ADGRG1: variants seen among roughly 807,000 people sequenced by gnomAD.
ADGRG1 encodes the protein 7-transmembrane protein with no EGF-like N-terminal domains-1.
In ADGRG1, 53 loss-of-function variants were observed where a neutral mutation model predicts 73.5. The ratio of observed to expected loss-of-function variants is 0.72; its 90% CI spans 0.58 to 0.91. ADGRG1 has a LOEUF of 0.91. ADGRG1 is among the 40% of genes least tolerant of loss of function. ADGRG1 has a pLI of 0.00. For synonymous variants in ADGRG1, 394 were observed against 374.4 expected (o/e 1.05, Z -0.60); for missense variants, 795 against 871.8 (o/e 0.91, Z 1.11).
intron 1 of ADGRG1, chr16:57,641,178 G>A (rs1406660584): frequency 1.2e-6 from 1 of 808,614 alleles, no homozygotes; most frequent in African/African-American, 1.9e-5. Flanking sequence ...TGACAGAGGA[G>A]AAAATAAGGC....
upstream of ADGRG1, chr16:57,627,183 C>G: frequency 4.5e-6 from 3 of 664,338 alleles, no homozygotes; most frequent in South Asian, 6.6e-5. Flanking sequence ...GAGTGCAGTT[C>G]ACCTGCAGCA....
At chr16:57,656,361 G>A in intron 8 of ADGRG1, 90 bp downstream of exon 8, 1 of 1,611,376 alleles carries the variant, frequency 6.2e-7, no homozygotes, top group Non-Finnish European at 8.5e-7. Flanking sequence ...ATCACCGAGG[G>A]CTTCCTGGAG....
chr16:57,646,448 A>T (rs1166103957), intron 1 of ADGRG1: 3 of 985,188 alleles, frequency 3.0e-6, no homozygotes, highest in Non-Finnish European at 3.6e-6. Context: ...TGTGGCCCCC[A>T]TTGTGTCAGA....
intron 11 of ADGRG1, 149 bp from the exon 12 acceptor site, chr16:57,660,619 T>TG: frequency 6.6e-7 from 1 of 1,504,094 alleles, no homozygotes; most frequent in Non-Finnish European, 9.0e-7. Context: ...GGTCCAAACT[T>TG]GGGGGAACTT....
Position 57,651,400 on chromosome 16 carries a change from C to G in ADGRG1, c.265C>G (p.His89Asp), listed in dbSNP as rs587783658. ...RSFPDPRGLY[H>D]FCLYWNRHAG... ...CTTCCCTGACCCCAGGGGCCTCTAC[C>G]ACTTCTGCCTCTACTGGAACCGACA... The change falls in exon 3 of 14, where the codon CAC becomes GAC. Residue 89 changes from histidine (H) to aspartate (D), a missense_variant. Transcript: ENST00000562631. 2 of 1,614,078 alleles carry G rather than the reference C, an allele frequency of 1.2e-6. No individual in the cohort carries two copies. Among genetic ancestry groups the G allele is most frequent in the Non-Finnish European group, 1.7e-6 (2 of 1,180,040 alleles).
chr16:57,627,083 G>A, upstream of ADGRG1: 1 of 985,046 alleles, frequency 1.0e-6, no homozygotes, highest in Non-Finnish European at 1.2e-6. Context: ...GCCGTTTTCT[G>A]GAAGCTCTCA....
intron 1 of ADGRG1, chr16:57,647,036 G>A: frequency 3.9e-6 from 3 of 773,738 alleles, no homozygotes; most frequent in Non-Finnish European, 4.6e-6. Flanking sequence ...GGTCTGTGCG[G>A]AGACTCATGC....
chr16:57,659,769 A>C (rs940794171), intron 11 of ADGRG1, 88 bp downstream of exon 11: 5 of 1,411,176 alleles, frequency 3.5e-6, no homozygotes, highest in Non-Finnish European at 4.9e-6. Context: ...CTCTCCACCT[A>C]TCTCTCTGAC....
intron 1 of ADGRG1, chr16:57,636,589 G>C (rs1567691225): frequency 2.0e-6 from 2 of 984,916 alleles, no homozygotes; most frequent in Admixed American, 6.2e-5. Context: ...AGCCTGAGTG[G>C]CACTTTTGGG....
At chr16:57,655,052 G>A (rs2045326400) in intron 5 of ADGRG1, 1 of 985,182 alleles carries the variant, frequency 1.0e-6, no homozygotes, top group Non-Finnish European at 1.2e-6. Context: ...CCCCTGAGTG[G>A]CTCTGGTTAG....
At chr16:57,661,667 C>T (rs1215992169) in intron 12 of ADGRG1, 30 bp from the exon 13 acceptor site, 2 of 1,603,484 alleles carry the variant, frequency 1.2e-6, no homozygotes, top group Non-Finnish European at 8.5e-7. Flanking sequence ...GTGCTGGCCA[C>T]ACGCTGAGCC....
upstream of ADGRG1, chr16:57,628,148 C>G (rs928670083): frequency 1.0e-5 from 10 of 985,376 alleles, no homozygotes; most frequent in Non-Finnish European, 1.2e-5. Context: ...CGCTCCCTCC[C>G]GACTGCCTTC....
At chr16:57,649,709 C>A (rs2043552827) in intron 1 of ADGRG1, among the ~76,000 whole-genome samples, 1 of 151,986 alleles carries the variant, frequency 6.6e-6, no homozygotes, top group Admixed American at 6.6e-5. Context: ...GAGTGACTTA[C>A]ACAAGGTCCT....
chr16:57,639,503 A>G (rs2040211749), intron 1 of ADGRG1: 2 of 985,340 alleles, frequency 2.0e-6, no homozygotes, highest in South Asian at 4.7e-5. Flanking sequence ...GTGAGGGAGC[A>G]GTGGCTGGGG....
chr16:57,663,810 G>A lies in ADGRG1; in HGVS notation c.*228G>A. Reference sequence around the variant, plus strand: ...CACTCAGCTCCCACGGGACTCAGAAGTGCGCCGCCATGCTGCCTAGGGTAC... The same window carrying A: ...CACTCAGCTCCCACGGGACTCAGAAATGCGCCGCCATGCTGCCTAGGGTAC... On this transcript the variant is annotated 3_prime_UTR_variant, in exon 14 of 14. Coordinates refer to ENST00000562631, the MANE Select transcript of ADGRG1 (RefSeq NM_201525.4). 1.7e-6 allele frequency: 1 copy of A among 600,204 alleles called. No homozygotes were observed. The highest frequency in any genetic ancestry group is 1.9e-5 in the South Asian group (1 of 51,848). 37.2% of individuals were successfully genotyped at this position (600,204 alleles called of 1,614,324 possible).
At chr16:57,625,622 T>C (rs1480847182), upstream of ADGRG1, 10 of 983,080 alleles carry the variant, frequency 1.0e-5, no homozygotes, top group African/African-American at 1.7e-5. Flanking sequence ...ACACCTCCAA[T>C]TCTGGAATCC....
intron 12 of ADGRG1, 66 bp downstream of exon 12, chr16:57,660,942 C>A (rs1021163864): frequency 5.2e-6 from 5 of 968,594 alleles, no homozygotes; most frequent in Non-Finnish European, 8.3e-6. Context: ...GAGTGCAGCC[C>A]GGGCCCAGGT....
At chr16:57,624,693 C>G, upstream of ADGRG1, 1 of 982,688 alleles carries the variant, frequency 1.0e-6, no homozygotes, top group Non-Finnish European at 1.2e-6. Flanking sequence ...TCTTCCTACT[C>G]CCCCAGGCCT....
rs55679381 is a variant in ADGRG1 at position 57,662,876 on chromosome 16, A to C, written c.1934-576A>C. ...TGTATGGCCAGGCCCAGGGGCTCTC[A>C]TGGGGTTCAAGGCCAGCCTCCCATA... is the stretch of plus-strand genomic sequence containing the variant. On this transcript the variant is annotated intron_variant, in intron 13 of 13. Coordinates refer to ENST00000562631, the MANE Select transcript of ADGRG1 (RefSeq NM_201525.4). The C allele has an allele frequency of 9.3e-6, 9 of 966,498 alleles. No individual in the cohort carries two copies. In the African/African-American group the frequency reaches 1.4e-4, roughly 15 times the overall value. 59.9% of individuals were successfully genotyped at this position (966,498 alleles called of 1,614,324 possible). A position where few individuals can be genotyped will look rare whatever the true frequency, so the allele number is the denominator to read the frequency against.
Sources: gnomAD v4.1 joint callset for allele counts (sites outside exome capture counted in the v4.1 genomes callset) on GRCh38, gnomAD v4.1.1 for gene constraint, MANE v1.5 for transcripts, NCBI Gene and HGNC (gene_info 2026-07-23, HGNC 2026-07-21) for gene names.